Variants in TLE2 observed in about 807,000 individuals in gnomAD.
The protein encoded by TLE2 is TLE family member 2, transcriptional corepressor.
Under a neutral mutation model 97.2 loss-of-function variants are expected in TLE2, and 74 were observed. The observed-to-expected ratio is 0.76, with a 90% CI of 0.63 to 0.92. The LOEUF (loss-of-function observed/expected upper bound fraction) is 0.92. TLE2 is among the 40% of genes least tolerant of loss of function. The probability of loss-of-function intolerance (pLI) is 0.00; values close to 1 mark genes in which losing one functional copy is unlikely to be tolerated. For synonymous variants in TLE2, 499 were observed against 432.1 expected, an observed-to-expected ratio of 1.15 and a Z score of -1.92; for missense variants, 1,038 against 1,008.7, an observed-to-expected ratio of 1.03 and a Z score of -0.39.
intron 18 of TLE2, among the ~76,000 whole-genome samples, chr19:3,001,010 A>AAC (rs1381231306): frequency 6.6e-6 from 1 of 151,682 alleles, no homozygotes; most frequent in African/African-American, 2.4e-5. Context: ...GGCAGTGGCT[A>AAC]ACACCCGTAA....
intron 1 of TLE2, among the ~76,000 whole-genome samples, chr19:3,035,886 G>GC (rs556652926): frequency 5.0e-4 from 76 of 151,974 alleles, no homozygotes; most frequent in African/African-American, 1.3e-3. Flanking sequence ...ATTGGAGGAG[G>GC]GGGGGCTAAG....
At chr19:3,014,051 C>T (rs976374802) in intron 10 of TLE2, among the ~76,000 whole-genome samples, 13 of 151,752 alleles carry the variant, frequency 8.6e-5, no homozygotes, top group Admixed American at 4.6e-4. Context: ...CTGCAACCTC[C>T]GCCTCCTGGG....
intron 19 of TLE2, among the ~76,000 whole-genome samples, chr19:2,999,221 G>A (rs1166217809): frequency 1.3e-5 from 2 of 152,032 alleles, no homozygotes; most frequent in African/African-American, 2.4e-5. Flanking sequence ...GGTGGAGGCT[G>A]CAGTGAGCTG....
chr19:3,047,366 C>T (rs867897458), upstream of TLE2, among the ~76,000 whole-genome samples: 17 of 140,230 alleles, frequency 1.2e-4, no homozygotes, highest in African/African-American at 4.0e-4. Flanking sequence ...ACGCCTCCTG[C>T]CACCCGCCCC....
chr19:2,998,412 G>A (rs934485501), intron 19 of TLE2, among the ~76,000 whole-genome samples: 2 of 151,984 alleles, frequency 1.3e-5, no homozygotes, highest in African/African-American at 2.4e-5. Flanking sequence ...CAAGCAGCTG[G>A]GATTGCAGGT....
upstream of TLE2, among the ~76,000 whole-genome samples, chr19:3,046,954 CCT>C (rs1271682436): frequency 4.2e-5 from 5 of 119,892 alleles, no homozygotes; most frequent in Non-Finnish European, 7.1e-5. Flanking sequence ...TCCTCCCTTC[CCT>C]CCCTCCTTCT....
chr19:3,001,307 A>C (rs780809221), intron 18 of TLE2, among the ~76,000 whole-genome samples: 2 of 151,332 alleles, frequency 1.3e-5, no homozygotes, highest in African/African-American at 4.9e-5. Flanking sequence ...TAGAGTTGGG[A>C]TCTCACTATG....
At chr19:3,027,995 C>G (rs541886722) in intron 3 of TLE2, 122 bp from the exon 4 acceptor site, 1 of 1,006,014 alleles carries the variant, frequency 9.9e-7, no homozygotes, top group Non-Finnish European at 1.5e-6. Context: ...GAAGCAGAGC[C>G]CCCCCCAGCT....
chr19:3,039,595 C>T (rs1387966977), intron 1 of TLE2, among the ~76,000 whole-genome samples: 1 of 152,182 alleles, frequency 6.6e-6, no homozygotes, highest in Non-Finnish European at 1.5e-5. Flanking sequence ...TCTTCCGAGG[C>T]CTCGTGGCTC....
intron 4 of TLE2, among the ~76,000 whole-genome samples, chr19:3,026,899 A>AT (rs1481751429): frequency 6.6e-6 from 1 of 152,098 alleles, no homozygotes; most frequent in East Asian, 1.9e-4. Context: ...CTTGAGGTCT[A>AT]TCTCTGAACC....
chr19:3,027,759 T>A, intron 4 of TLE2, 70 bp downstream of exon 4: 1 of 1,534,720 alleles, frequency 6.5e-7, no homozygotes, highest in Non-Finnish European at 8.9e-7. Context: ...GGCTGCCCAC[T>A]CTGGGTCCTT....
rs773226145 is a variant in TLE2, at chr19:3,025,074, A to C, written c.240T>G (p.Ile80Met). 6.2e-7 allele frequency: 1 copy of C among 1,604,208 alleles called. No individual in the cohort carries two copies. The highest frequency in any genetic ancestry group is 1.1e-5 in the South Asian group (1 of 88,590). Residue 80 changes from isoleucine (I) to methionine (M), a missense_variant, in exon 5 of 20, where the codon ATT becomes ATG. Physicochemically the swap from Ile to Met is conservative, Grantham distance 10. Transcript: ENST00000262953. ...LNIEMHKQAE[I>M]VKRLSGICAQ... ...CGCAGATACCGCTCAGACGCTTCAC[A>C]ATCTCCGCCTGGCAGGAAGCAATGA...
chr19:3,029,563 G>GGT (rs2090005277), upstream of TLE2: 1 of 521,414 alleles, frequency 1.9e-6, no homozygotes, highest in Non-Finnish European at 2.4e-6. Context: ...GGGAGCGGGG[G>GGT]GGGGGGCTTG....
At position 3,022,056 on chromosome 19, in the gene TLE2, T is replaced by C. The variant is rs999136178; in HGVS notation, c.295-2283A>G. 4.0e-5 allele frequency among the ~76,000 whole-genome samples: 6 copies of C among 151,414 alleles called. No individual in the cohort carries two copies. The East Asian group carries it at 1.0e-3, about 25-fold the overall frequency. ...CTCCCTCTCTGTTACATTATACATATATACTTATTTAAGCCGGAGTCTCAC... is the reference window on the plus strand; with the variant it reads ...CTCCCTCTCTGTTACATTATACATACATACTTATTTAAGCCGGAGTCTCAC... On this transcript the variant is annotated intron_variant, in intron 5 of 19. Transcript: ENST00000262953.
upstream of TLE2, among the ~76,000 whole-genome samples, chr19:3,046,104 T>A (rs1009544344): frequency 2.6e-5 from 4 of 152,106 alleles, no homozygotes. Context: ...GGCAAAGAGG[T>A]CCCTGAGCAG....
At position 3,019,988 on chromosome 19, in the gene TLE2, T is replaced by A. The variant is rs59931576; in HGVS notation, c.295-215A>T. 5.5e-5 allele frequency: 36 copies of A among 659,578 alleles called. No individual in the cohort carries two copies. Among genetic ancestry groups the A allele is most frequent in the Non-Finnish European group, 8.4e-5 (33 of 394,574 alleles). 40.9% of individuals were successfully genotyped at this position (659,578 alleles called of 1,614,324 possible). On this transcript the variant is annotated intron_variant, in intron 5 of 19. Transcript: ENST00000262953. The surrounding 1 kb of genome is among the most constrained non-coding windows in gnomAD (Gnocchi z 5.1). ...AAACCAAACCTAAGTGCAGGTAGAA[T>A]AGTTACAAATCAGGCCGGGCATGGT...
intron 1 of TLE2, among the ~76,000 whole-genome samples, chr19:3,039,753 C>T (rs2090086808): frequency 6.6e-6 from 1 of 152,182 alleles, no homozygotes; most frequent in African/African-American, 2.4e-5. Flanking sequence ...ATGACGGACG[C>T]GATGCCAGGT....
intron 14 of TLE2, among the ~76,000 whole-genome samples, chr19:3,008,359 G>A (rs983727233): frequency 2.5e-4 from 38 of 152,160 alleles, no homozygotes; most frequent in Admixed American, 2.0e-4. Flanking sequence ...CGTGTCCCCC[G>A]ACATCGCCCA....
At chr19:3,012,279 G>A (rs918140289) in intron 11 of TLE2, among the ~76,000 whole-genome samples, 4 of 151,548 alleles carry the variant, frequency 2.6e-5, no homozygotes, top group East Asian at 2.0e-4. Context: ...CAAAAGGCAC[G>A]ATCATAGCTC....
Sources: allele counts gnomAD v4.1 joint callset (sites outside exome capture counted in the v4.1 genomes callset), GRCh38; gene constraint gnomAD v4.1.1; non-coding constraint Gnocchi (gnomAD v3.1); transcripts MANE v1.5; gene names NCBI Gene and HGNC (gene_info 2026-07-23, HGNC 2026-07-21).